MUC17: variants seen among roughly 807,000 people sequenced by gnomAD.
MUC17 encodes mucin 17, cell surface associated.
A neutral mutation model predicts 170.3 loss-of-function variants in MUC17; 190 were observed. The ratio of observed to expected loss-of-function variants is 1.12; its 90% CI spans 0.99 to 1.26. The LOEUF (loss-of-function observed/expected upper bound fraction) is 1.26, where lower values mean the gene tolerates loss of function less well. MUC17 is among the 50% of genes most tolerant of loss of function. MUC17 has a pLI of 0.00. For missense variants in MUC17, 6,415 were observed against 5,530.0 expected (o/e 1.16, Z -5.08); for synonymous variants, 2,325 against 2,002.5 (o/e 1.16, Z -4.30).
rs1794586063 is a variant in MUC17, at chr7:101,038,903, C to T, written c.7487C>T (p.Ser2496Phe). The T allele has an allele frequency of 1.9e-6, 3 of 1,614,084 alleles. No homozygotes were observed. The highest frequency in any genetic ancestry group is 1.6e-4 in the Middle Eastern group (1 of 6,062). Residue 2496 changes from serine to phenylalanine, a missense_variant, in exon 3 of 13, where the codon TCT becomes TTT. Ser to Phe is a radical substitution (Grantham distance 155, BLOSUM62 -2). Coordinates refer to ENST00000306151, the MANE Select transcript of MUC17 (RefSeq NM_001040105.2). ...PMTTSTEASS[S>F]PTTAEDIVVP... ...ACCACTTCTACTGAAGCCAGTTCAT[C>T]TCCTACAACTGCTGAAGATATCGTC... is the stretch of plus-strand genomic sequence containing the variant.
In MUC17 at chr7:101,041,868, C is replaced by T. The variant is rs903290915; in HGVS notation, c.10452C>T (p.Asp3484=). The change falls in exon 3 of 13, where the codon GAC becomes GAT. Residue 3484 remains aspartate (D), a synonymous_variant. Coordinates refer to ENST00000306151, the MANE Select transcript of MUC17 (RefSeq NM_001040105.2). ...GCACCCTTTCAACAACTCCTGTTGA[C>T]ACCAGCACACCTGTGACCACTTCTT... is the stretch of plus-strand genomic sequence containing the variant. ...EASTLSTTPV[D]TSTPVTTSSP... 1.9e-6 allele frequency: 3 copies of T among 1,614,086 alleles called. No individual in the cohort carries two copies. The South Asian group carries it at 3.3e-5, about 18-fold the overall frequency.
chr7:101,051,364 CAAAA>C (rs398005597), intron 7 of MUC17, among the ~76,000 whole-genome samples: 5 of 52,138 alleles, frequency 9.6e-5, no homozygotes, highest in African/African-American at 4.4e-4. Context: ...TACTCCATCT[CAAAA>C]AAAAAAAAAA....
chr7:101,028,715 C>CA lies in MUC17; in HGVS notation c.83-2393dup, dbSNP rs937813989. ...CAGCATAGTGAGACCCCTGTCTCTA[C>CA]AAAAAAAAAAAACTTTTAAAAAACT... On this transcript the variant is annotated intron_variant, in intron 1 of 12. Transcript: ENST00000306151. 3.7e-3 allele frequency among the ~76,000 whole-genome samples: 479 copies of CA among 129,888 alleles called. 4 individuals are homozygous for CA. The East Asian group carries it at 0.038, about 10-fold the overall frequency. 85.2% of individuals were successfully genotyped at this position (129,888 alleles called of 152,430 possible). A position where few individuals can be genotyped will look rare whatever the true frequency, so the allele number is the denominator to read the frequency against.
Position 101,037,942 on chromosome 7 carries a change from T to A in MUC17, c.6526T>A (p.Ser2176Thr). 6.2e-7 allele frequency: 1 copy of A among 1,612,162 alleles called. No individual in the cohort carries two copies. The change falls in exon 3 of 13, where the codon TCT (serine) becomes ACT (threonine). Residue 2176 changes from serine (S) to threonine (T), a missense_variant. By Grantham distance (58) the Ser-to-Thr change is moderately conservative. Transcript: ENST00000306151. ...MPVSTTVVAS[S>T]AISTLSTTPV... is the part of the protein sequence containing the mutation. Reference sequence around the variant, plus strand: ...TGTCAGCACCACAGTGGTGGCCAGTTCTGCAATCAGCACCCTTTCAACAAC... The same window carrying A: ...TGTCAGCACCACAGTGGTGGCCAGTACTGCAATCAGCACCCTTTCAACAAC...
intron 5 of MUC17, among the ~76,000 whole-genome samples, 159 bp from the exon 6 acceptor site, chr7:101,049,165 C>T (rs180748684): frequency 2.1e-4 from 32 of 152,240 alleles, no homozygotes; most frequent in African/African-American, 7.2e-4. Flanking sequence ...GCAGGAGGCC[C>T]CTGGGGTGGA....
At chr7:101,053,531 G>T (rs1282751162) in intron 11 of MUC17, 95 bp downstream of exon 11, 1 of 933,278 alleles carries the variant, frequency 1.1e-6, no homozygotes, top group Non-Finnish European at 1.7e-6. Flanking sequence ...ACTTTGAAAG[G>T]CCAAGGCAGG....
In MUC17 at chr7:101,041,681, C is replaced by G. The variant is rs1475717860; in HGVS notation, c.10265C>G (p.Thr3422Ser). 1.1e-5 allele frequency: 17 copies of G among 1,613,924 alleles called. No individual in the cohort carries two copies. The highest frequency in any genetic ancestry group is 1.3e-5 in the Non-Finnish European group (15 of 1,179,998). Reference sequence around the variant, plus strand: ...TCTGAGGTTAACACCCTTTCAACAACTCCTGTGGACTCCAACACTCTGGTG... The same window carrying G: ...TCTGAGGTTAACACCCTTTCAACAAGTCCTGTGGACTCCAACACTCTGGTG... ...VSSEVNTLST[T>S]PVDSNTLVTT... Residue 3422 changes from threonine to serine, a missense_variant, in exon 3 of 13, where the codon ACT becomes AGT. Thr to Ser is a moderately conservative substitution (Grantham distance 58). Coordinates refer to ENST00000306151, the MANE Select transcript of MUC17 (RefSeq NM_001040105.2).
At position 101,034,404 on chromosome 7, in the gene MUC17, C is replaced by T; in HGVS notation, c.2988C>T (p.Ala996=). The change falls in exon 3 of 13, where the codon GCC becomes GCT. Residue 996 remains alanine, a synonymous_variant. Transcript: ENST00000306151. ...CACCTGTCAGCCACACGCTGGTGGC[C>T]AATTCTGAGGCTAGCACCCTTTCAA... The part of the protein sequence containing the change: ...TSTPVSHTLV[A]NSEASTLSTT... 1.2e-6 allele frequency: 2 copies of T among 1,607,296 alleles called. No individual in the cohort carries two copies. The highest frequency in any genetic ancestry group is 1.7e-6 in the Non-Finnish European group (2 of 1,176,586).
At position 101,043,411 on chromosome 7, in the gene MUC17, GCAGC is replaced by G. The variant is rs1402898817; in HGVS notation, c.11996_11999del (p.Ala3999ValfsTer6). On this transcript the variant is annotated frameshift_variant, in exon 3 of 13. Coordinates refer to ENST00000306151, the MANE Select transcript of MUC17 (RefSeq NM_001040105.2). LOFTEE classifies it high-confidence loss of function. ...ATTTACAACACCCGCAATGACTACT[GCAGC>G]TCCCCTCACATATGTGACCATGTCT... is the stretch of plus-strand genomic sequence containing the variant. The G allele has an allele frequency of 6.2e-7, 1 of 1,614,046 alleles. No homozygotes were observed. Among genetic ancestry groups the G allele is most frequent in the South Asian group, 1.1e-5 (1 of 91,068 alleles).
intron 1 of MUC17, among the ~76,000 whole-genome samples, chr7:101,025,656 T>C (rs1438849419): frequency 6.6e-6 from 1 of 151,954 alleles, no homozygotes; most frequent in Non-Finnish European, 1.5e-5. Flanking sequence ...TAGCCAGGTG[T>C]AGTTATGTGC....
At chr7:101,025,040 A>G (rs1794156531) in intron 1 of MUC17, among the ~76,000 whole-genome samples, 1 of 151,758 alleles carries the variant, frequency 6.6e-6, no homozygotes, top group Non-Finnish European at 1.5e-5. Flanking sequence ...GAAAAATTTA[A>G]TGGGTTTGGG....
At position 101,037,713 on chromosome 7, in the gene MUC17, A is replaced by G; in HGVS notation, c.6297A>G (p.Glu2099=). 6.2e-7 allele frequency: 1 copy of G among 1,613,280 alleles called. No homozygotes were observed. Among genetic ancestry groups the G allele is most frequent in the Non-Finnish European group, 8.5e-7 (1 of 1,179,816 alleles). ...GSSMTISAPS[E]GSPLLTSIPL... Reference sequence around the variant, plus strand: ...GCATGACAATCTCAGCTCCTAGTGAAGGAAGTCCTCTACTAACAAGTATAC... The same window carrying G: ...GCATGACAATCTCAGCTCCTAGTGAGGGAAGTCCTCTACTAACAAGTATAC... The change falls in exon 3 of 13, where the codon GAA becomes GAG. Residue 2099 remains glutamate, a synonymous_variant. Coordinates refer to ENST00000306151, the MANE Select transcript of MUC17 (RefSeq NM_001040105.2).
In MUC17 at chr7:101,037,417, G is replaced by T. The variant is rs1562811544; in HGVS notation, c.6001G>T (p.Glu2001Ter). ...PLSTTLVVSS[E>*]ASTLSTTPVD... is the part of the protein sequence containing the mutation. ...CAGCACCACGCTGGTGGTCAGTTCT[G>T]AGGCTAGCACTCTTTCCACAACTCC... Residue 2001 changes from glutamate (E) to a stop codon, truncating the protein, a stop_gained, in exon 3 of 13, where the codon GAG becomes TAG. Coordinates refer to ENST00000306151, the MANE Select transcript of MUC17 (RefSeq NM_001040105.2). LOFTEE classifies it high-confidence loss of function. 1 of 1,612,398 alleles carries T rather than the reference G, an allele frequency of 6.2e-7. No individual in the cohort carries two copies. Among genetic ancestry groups the T allele is most frequent in the East Asian group, 2.2e-5 (1 of 44,858 alleles).
At position 101,033,640 on chromosome 7, in the gene MUC17, C is replaced by G; in HGVS notation, c.2224C>G (p.Pro742Ala). The change falls in exon 3 of 13, where the codon CCT becomes GCT. Residue 742 changes from proline (P) to alanine (A), a missense_variant. Physicochemically the swap from Pro to Ala is conservative, Grantham distance 27 (BLOSUM62 -1). Coordinates refer to ENST00000306151, the MANE Select transcript of MUC17 (RefSeq NM_001040105.2). Reference protein sequence around the residue: ...ADGASMPTSTPSEGSTPLTSM... With the variant: ...ADGASMPTSTASEGSTPLTSM... ...TGGTGCCAGTATGCCAACCTCAACT[C>G]CTAGTGAAGGAAGCACTCCATTAAC... The G allele has an allele frequency of 6.2e-7, 1 of 1,612,046 alleles. No individual in the cohort carries two copies. Among genetic ancestry groups the G allele is most frequent in the Non-Finnish European group, 8.5e-7 (1 of 1,179,618 alleles).
At position 101,058,239 on chromosome 7, in the gene MUC17, T is replaced by A. The variant is rs1795083580; in HGVS notation, c.*195T>A. The A allele has an allele frequency of 2.2e-6, 1 of 450,306 alleles. No homozygotes were observed. The highest frequency in any genetic ancestry group is 2.0e-5 in the African/African-American group (1 of 50,482). 27.9% of individuals were successfully genotyped at this position (450,306 alleles called of 1,614,324 possible). ...TTCTCAAATAGAAACCCGTGGACGCTCCAATGGGCTTGTCATGATATCAGG... is the reference window on the plus strand; with the variant it reads ...TTCTCAAATAGAAACCCGTGGACGCACCAATGGGCTTGTCATGATATCAGG... On this transcript the variant is annotated 3_prime_UTR_variant, in exon 13 of 13. Transcript: ENST00000306151.
At position 101,035,229 on chromosome 7, in the gene MUC17, A is replaced by C. The variant is rs145962817; in HGVS notation, c.3813A>C (p.Ser1271=). 3.5e-3 allele frequency: 5,562 copies of C among 1,609,400 alleles called. 16 individuals are homozygous for C. Among genetic ancestry groups the C allele is most frequent in the Non-Finnish European group, 3.7e-3 (4,303 of 1,176,988 alleles). Residue 1271 remains serine (S), a synonymous_variant, in exon 3 of 13, where the codon TCA becomes TCC. Coordinates refer to ENST00000306151, the MANE Select transcript of MUC17 (RefSeq NM_001040105.2). ...CTGAAGGTACCAGCTTGCCAACCTC[A>C]ACTACTAGTGAAGGAAGTACTCTAT... is the stretch of plus-strand genomic sequence containing the variant. ...TTAEGTSLPT[S]TTSEGSTLLT...
chr7:101,037,440 T>C lies in MUC17; in HGVS notation c.6024T>C (p.Thr2008=), dbSNP rs1170837575. The C allele has an allele frequency of 6.2e-7, 1 of 1,611,138 alleles. No homozygotes were observed. The highest frequency in any genetic ancestry group is 1.7e-5 in the Admixed American group (1 of 59,944). The change falls in exon 3 of 13, where the codon ACT becomes ACC. Residue 2008 remains threonine, a synonymous_variant. Coordinates refer to ENST00000306151, the MANE Select transcript of MUC17 (RefSeq NM_001040105.2). ...VSSEASTLST[T]PVDTSTPATT... ...CTGAGGCTAGCACTCTTTCCACAAC[T>C]CCTGTTGACACCAGCACTCCTGCCA...
rs1794649874 is a variant in MUC17, at chr7:101,040,226, C to G, written c.8810C>G (p.Thr2937Ser). The G allele has an allele frequency of 6.2e-7, 1 of 1,611,828 alleles. No individual in the cohort carries two copies. The highest frequency in any genetic ancestry group is 2.2e-5 in the East Asian group (1 of 44,708). ...STPLTSILVSTVPVAGSEAST... is the reference protein window; with the variant it reads ...STPLTSILVSSVPVAGSEAST... ...CCATTAACAAGTATACTTGTCAGCACCGTGCCAGTGGCCGGTTCTGAGGCT... is the reference window on the plus strand; with the variant it reads ...CCATTAACAAGTATACTTGTCAGCAGCGTGCCAGTGGCCGGTTCTGAGGCT... The change falls in exon 3 of 13, where the codon ACC becomes AGC. Residue 2937 changes from threonine (T) to serine (S), a missense_variant. Thr to Ser is a moderately conservative substitution (Grantham distance 58). Coordinates refer to ENST00000306151, the MANE Select transcript of MUC17 (RefSeq NM_001040105.2).
intron 2 of MUC17, 43 bp from the exon 3 acceptor site, chr7:101,031,558 C>T (rs765916522): frequency 1.3e-6 from 2 of 1,503,158 alleles, no homozygotes; most frequent in South Asian, 1.4e-5. Context: ...ACATACAGAA[C>T]CCTAAGAAAC....
Sources: gnomAD v4.1 joint callset for allele counts (sites outside exome capture counted in the v4.1 genomes callset) on GRCh38, gnomAD v4.1.1 for gene constraint, MANE v1.5 for transcripts, NCBI Gene and HGNC (gene_info 2026-07-23, HGNC 2026-07-21) for gene names.